The following FSTL5 variants were observed in gnomAD, a reference collection of about 807,000 sequenced individuals.
FSTL5 encodes the protein follistatin-related protein 5.
Under a neutral mutation model 89.1 loss-of-function variants are expected in FSTL5, and 62 were observed. The observed-to-expected ratio is 0.70, with a 90% confidence interval of 0.57 to 0.86. FSTL5 has a LOEUF of 0.86. FSTL5 is among the 40% of genes least tolerant of loss of function. The pLI is 0.00. For synonymous variants in FSTL5, 383 were observed against 346.2 expected (o/e 1.11, Z -1.18); for missense variants, 1,057 against 1,001.6 (o/e 1.06, Z -0.75).
intron 10 of FSTL5, among the ~76,000 whole-genome samples, chr4:161,514,208 AT>A (rs1730741546): frequency 6.6e-6 from 1 of 151,828 alleles, no homozygotes. Flanking sequence ...TCAATGGATG[AT>A]TGGATAAATA....
intron 4 of FSTL5, among the ~76,000 whole-genome samples, chr4:161,791,918 C>T (rs1477911790): frequency 4.6e-5 from 7 of 152,184 alleles, no homozygotes; most frequent in South Asian, 4.1e-4. Flanking sequence ...GCCGGGGCTG[C>T]GCGCTCCGCA....
At chr4:161,861,081 A>T (rs1176902543) in intron 4 of FSTL5, among the ~76,000 whole-genome samples, 1 of 152,212 alleles carries the variant, frequency 6.6e-6, no homozygotes, top group Non-Finnish European at 1.5e-5. Context: ...AAATATTTGT[A>T]TTGATATTAT....
intron 3 of FSTL5, among the ~76,000 whole-genome samples, chr4:161,944,660 A>G (rs2110933587): frequency 6.6e-6 from 1 of 151,926 alleles, no homozygotes; most frequent in Admixed American, 6.6e-5. Context: ...TTTAAACTCA[A>G]TATCTTTATC....
At chr4:161,544,524 T>C (rs1470795035) in intron 8 of FSTL5, among the ~76,000 whole-genome samples, 1 of 151,884 alleles carries the variant, frequency 6.6e-6, no homozygotes, top group South Asian at 2.1e-4. Context: ...GAGGTTTATT[T>C]GGGGGTGACA....
intron 8 of FSTL5, among the ~76,000 whole-genome samples, chr4:161,584,957 C>A (rs1160175282): frequency 6.6e-5 from 10 of 152,176 alleles, no homozygotes; most frequent in Admixed American, 6.5e-4. Flanking sequence ...TAGAGTTCAG[C>A]ACAAGCAATC....
intron 15 of FSTL5, among the ~76,000 whole-genome samples, chr4:161,431,679 GA>G (rs1656748910): frequency 6.6e-6 from 1 of 151,860 alleles, no homozygotes; most frequent in East Asian, 1.9e-4. Flanking sequence ...TGGTTGAATG[GA>G]TAAAGAAAAC....
chr4:161,582,621 TA>T (rs1225789734), intron 8 of FSTL5, among the ~76,000 whole-genome samples: 1 of 152,218 alleles, frequency 6.6e-6, no homozygotes, highest in African/African-American at 2.4e-5. Flanking sequence ...TGTGGTTTTG[TA>T]ACTTACCCCA....
At chr4:161,431,746 T>C (rs1047795871) in intron 15 of FSTL5, among the ~76,000 whole-genome samples, 4 of 151,934 alleles carry the variant, frequency 2.6e-5, no homozygotes, top group East Asian at 1.9e-4. Flanking sequence ...AAGACACACA[T>C]AGACTGAAAA....
At position 161,992,847 on chromosome 4, in the gene FSTL5, CA is replaced by C. The variant is rs60808579; in HGVS notation, c.160+40777del. On this transcript the variant is annotated intron_variant, in intron 3 of 15. Coordinates refer to ENST00000306100, the MANE Select transcript of FSTL5 (RefSeq NM_020116.5). ...GGGCAACAAGAGTGAAACTCCATCT[CA>C]AAAAAAAAAAAAAATATATATATAT... Among the ~76,000 whole-genome samples the C allele has an allele frequency of 8.1e-3, 185 of 22,898 alleles. 6 individuals carry two copies. Among genetic ancestry groups the C allele is most frequent in the African/African-American group, 0.03 (174 of 5,744 alleles). The allele number at this position is 22,898 out of a possible 152,430, so 15.0% of individuals were successfully genotyped here. A position where few individuals can be genotyped will look rare whatever the true frequency, so the allele number is the denominator to read the frequency against.
intron 6 of FSTL5, among the ~76,000 whole-genome samples, chr4:161,711,406 T>C (rs2126739979): frequency 6.6e-6 from 1 of 151,936 alleles, no homozygotes; most frequent in South Asian, 2.1e-4. Context: ...ATTAGATAAA[T>C]AAATGAAATA....
intron 4 of FSTL5, among the ~76,000 whole-genome samples, chr4:161,893,352 T>C (rs781268864): frequency 7.2e-5 from 11 of 152,166 alleles, no homozygotes; most frequent in Non-Finnish European, 1.6e-4. Context: ...AAAGTCATAA[T>C]TAGCTTTTAA....
At chr4:161,850,458 A>T (rs1340305994) in intron 4 of FSTL5, among the ~76,000 whole-genome samples, 2 of 152,176 alleles carry the variant, frequency 1.3e-5, no homozygotes, top group Non-Finnish European at 2.9e-5. Context: ...GAATTGTCTC[A>T]TGCAAAAATA....
At chr4:161,602,887 G>A (rs1216576317) in intron 7 of FSTL5, among the ~76,000 whole-genome samples, 2 of 152,076 alleles carry the variant, frequency 1.3e-5, no homozygotes, top group African/African-American at 4.8e-5. Flanking sequence ...CAGCAAATCT[G>A]CATTGTAAGA....
At position 161,455,048 on chromosome 4, in the gene FSTL5, A is replaced by T. The variant is rs778739328; in HGVS notation, c.1797T>A (p.Asp599Glu). ...GTGTTGTGGTGGGAATGAAAAAATC[A>T]TCCACTCTGTCAAATTGCTTTCCCA... is the stretch of plus-strand genomic sequence containing the variant. Reference protein sequence around the residue: ...QPVGKQFDRVDDFFIPTTTLI... With the variant: ...QPVGKQFDRVEDFFIPTTTLI... The change falls in exon 15 of 16, where the codon GAT becomes GAA. Residue 599 changes from aspartate to glutamate, a missense_variant. This residue lies in a region of FSTL5 where 980 missense variants were observed against 903.2 expected (regional missense o/e 1.08). Coordinates refer to ENST00000306100, the MANE Select transcript of FSTL5 (RefSeq NM_020116.5). The T allele has an allele frequency of 9.9e-6, 16 of 1,613,582 alleles. No individual in the cohort carries two copies. The African/African-American group carries it at 1.9e-4, about 19-fold the overall frequency.
chr4:161,833,354 T>G (rs1365328237), intron 4 of FSTL5, among the ~76,000 whole-genome samples: 1 of 151,430 alleles, frequency 6.6e-6, no homozygotes, highest in African/African-American at 2.4e-5. Context: ...AAATGTATAT[T>G]CTGTTGATTT....
intron 6 of FSTL5, among the ~76,000 whole-genome samples, chr4:161,710,299 A>G (rs1055898577): frequency 6.6e-6 from 1 of 152,098 alleles, no homozygotes; most frequent in Non-Finnish European, 1.5e-5. Flanking sequence ...TAAATAATAT[A>G]CTTTTTAGAA....
intron 4 of FSTL5, among the ~76,000 whole-genome samples, chr4:161,876,676 G>C (rs1170306242): frequency 6.6e-6 from 1 of 152,104 alleles, no homozygotes; most frequent in South Asian, 2.1e-4. Context: ...GGGATTCAAG[G>C]CTGCAGTAAG....
intron 3 of FSTL5, among the ~76,000 whole-genome samples, chr4:162,017,142 C>A (rs891678280): frequency 2.0e-5 from 3 of 152,094 alleles, no homozygotes; most frequent in Admixed American, 1.3e-4. Context: ...TGCAAGTACC[C>A]CTGTGGTTAC....
chr4:161,407,762 C>A (rs1731436413), intron 15 of FSTL5, among the ~76,000 whole-genome samples: 1 of 131,286 alleles, frequency 7.6e-6, no homozygotes, highest in Admixed American at 7.5e-5. Context: ...ACCTACCCTA[C>A]AGCCCTCCCT....
Sources: allele counts gnomAD v4.1 joint callset (sites outside exome capture counted in the v4.1 genomes callset), GRCh38; gene constraint gnomAD v4.1.1; regional missense constraint gnomAD v4.1.1; transcripts MANE v1.5; gene names NCBI Gene and HGNC (gene_info 2026-07-23, HGNC 2026-07-21).